The following FBXL14 variants were observed in gnomAD, a reference collection of about 807,000 sequenced individuals.
FBXL14 encodes the protein F-box and leucine rich repeat protein 14.
Under a neutral mutation model 24.5 loss-of-function variants are expected in FBXL14, and 11 were observed. The observed-to-expected ratio is 0.45, with a 90% CI of 0.28 to 0.74. The LOEUF (loss-of-function observed/expected upper bound fraction) is 0.74. Ranked by LOEUF, FBXL14 falls within the 30% of genes least tolerant of loss-of-function variation. The probability of loss-of-function intolerance (pLI) is 0.12; values close to 1 mark genes in which losing one functional copy is unlikely to be tolerated. For synonymous variants in FBXL14, 294 were observed against 240.4 expected (o/e 1.22, Z -2.06); for missense variants, 384 against 545.6 (o/e 0.70, Z 2.95).
rs557192696 is a variant in FBXL14 at position 1,567,144 on chromosome 12, C to G, written c.1195-334G>C. On this transcript the variant is annotated intron_variant, in intron 1 of 1. Transcript: ENST00000339235. The surrounding 1 kb of genome is among the most constrained non-coding windows in gnomAD (Gnocchi z 4.8). ...GCCTTTACCCGGTCACAGCCACTAT[C>G]AAGAAAAAGATATAAGACATACTAA... is the stretch of plus-strand genomic sequence containing the variant. Among the ~76,000 whole-genome samples, 50 of 151,982 alleles carry G rather than the reference C, an allele frequency of 3.3e-4. No homozygotes were observed. Among genetic ancestry groups the G allele is most frequent in the Non-Finnish European group, 6.5e-4 (44 of 67,986 alleles).
intron 1 of FBXL14, among the ~76,000 whole-genome samples, chr12:1,576,646 C>A (rs1267663262): frequency 6.6e-6 from 1 of 152,164 alleles, no homozygotes; most frequent in African/African-American, 2.4e-5. Context: ...ATCTAGATTG[C>A]AGGCTGCGGC....
chr12:1,583,909 G>T (rs572351545), intron 1 of FBXL14, among the ~76,000 whole-genome samples: 1 of 152,340 alleles, frequency 6.6e-6, no homozygotes, highest in South Asian at 2.1e-4. Context: ...AAGGTAAATT[G>T]TGTGTAAGAG....
intron 1 of FBXL14, among the ~76,000 whole-genome samples, chr12:1,573,833 T>C (rs1019254366): frequency 2.0e-5 from 3 of 152,118 alleles, no homozygotes; most frequent in African/African-American, 7.2e-5. Context: ...GGAGAAACCT[T>C]GTCTCTACTA....
intron 1 of FBXL14, among the ~76,000 whole-genome samples, chr12:1,577,428 A>T (rs34560054): frequency 0.014 from 82 of 5,802 alleles, no homozygotes; most frequent in East Asian, 0.048. Flanking sequence ...ATAAGGATTT[A>T]AAAAAAAAAA....
chr12:1,594,426 G>T lies in FBXL14; in HGVS notation c.-360C>A, dbSNP rs2094497457. On this transcript the variant is annotated 5_prime_UTR_variant, in exon 1 of 2. Transcript: ENST00000339235. ...GCGCCCGGGCCGCGCCGCTCCGCCCGCGCCGCCGCGCCCACGCCCCCTGCC... is the reference window on the plus strand; with the variant it reads ...GCGCCCGGGCCGCGCCGCTCCGCCCTCGCCGCCGCGCCCACGCCCCCTGCC... Among the ~76,000 whole-genome samples the T allele has an allele frequency of 7.0e-6, 1 of 142,442 alleles. No homozygotes were observed. Among genetic ancestry groups the T allele is most frequent in the South Asian group, 2.2e-4 (1 of 4,550 alleles). 93.4% of individuals were successfully genotyped at this position (142,442 alleles called of 152,430 possible).
rs562129273 is a variant in FBXL14 at position 1,566,635 on chromosome 12, G to A, written c.*113C>T. 242 of 732,266 alleles carry A rather than the reference G, an allele frequency of 3.3e-4. 1 individual carries two copies. Among genetic ancestry groups the A allele is most frequent in the South Asian group, 2.9e-3 (195 of 66,904 alleles). 45.4% of individuals were successfully genotyped at this position (732,266 alleles called of 1,614,324 possible). A position where few individuals can be genotyped will look rare whatever the true frequency, so the allele number is the denominator to read the frequency against. On this transcript the variant is annotated 3_prime_UTR_variant, in exon 2 of 2. Transcript: ENST00000339235. ...AAGCCCTGGGCAGCAGCCTCTGCCC[G>A]AGCAGTGACAGGCAGGGAAACCTGA...
At chr12:1,586,245 C>CT (rs1203270929) in intron 1 of FBXL14, among the ~76,000 whole-genome samples, 2 of 146,504 alleles carry the variant, frequency 1.4e-5, no homozygotes, top group South Asian at 2.2e-4. Context: ...TTTTAAGAAA[C>CT]TTTTTTTTAA....
chr12:1,593,463 G>C lies in FBXL14; in HGVS notation c.604C>G (p.Leu202Val), dbSNP rs559895406. ...TGTAGCGTGAGCTGCTCCAGGCCCA[G>C]GCAGCCCTCCGCCGCGCTGCGCGTC... ...GMTRSAAEGC[L>V]GLEQLTLQDC... The change falls in exon 1 of 2, where the codon CTG becomes GTG. Residue 202 changes from leucine (L) to valine (V), a missense_variant. Physicochemically the swap from Leu to Val is conservative, Grantham distance 32 (BLOSUM62 1). Coordinates refer to ENST00000339235, the MANE Select transcript of FBXL14 (RefSeq NM_152441.3). The surrounding 1 kb of genome is among the most constrained non-coding windows in gnomAD (Gnocchi z 7.4). 2.7e-5 allele frequency: 44 copies of C among 1,613,986 alleles called. 1 individual carries two copies. The South Asian group carries it at 4.4e-4, about 16-fold the overall frequency.
chr12:1,578,926 A>G (rs1436939725), intron 1 of FBXL14, among the ~76,000 whole-genome samples: 1 of 151,970 alleles, frequency 6.6e-6, no homozygotes, highest in Non-Finnish European at 1.5e-5. Context: ...TCACCTTTCT[A>G]GAGGTGCTCG....
rs754225588 is a variant in FBXL14, at chr12:1,593,261, G to A, written c.806C>T (p.Thr269Met). Residue 269 changes from threonine (T) to methionine (M), a missense_variant, in exon 1 of 2, where the codon ACG becomes ATG. Thr to Met is a moderately conservative substitution (Grantham distance 81). Transcript: ENST00000339235. This position sits in a 1 kb window ranked among gnomAD's most constrained non-coding sequence, Gnocchi z 7.4. ...GCCCATGGCCAGATGCATGATGCCC[G>A]TGTCACTGATGTTGTCACAGGAGCG... ...NLRSCDNISD[T>M]GIMHLAMGSL... 6 of 1,612,696 alleles carry A rather than the reference G, an allele frequency of 3.7e-6. No homozygotes were observed. Among genetic ancestry groups the A allele is most frequent in the South Asian group, 1.1e-5 (1 of 91,072 alleles).
chr12:1,583,362 G>A (rs1174047905), intron 1 of FBXL14, among the ~76,000 whole-genome samples: 1 of 149,232 alleles, frequency 6.7e-6, no homozygotes, highest in Non-Finnish European at 1.5e-5. Context: ...TGCCCTTTAA[G>A]AAGAATTAGA....
chr12:1,585,128 G>C (rs1262161938), intron 1 of FBXL14, among the ~76,000 whole-genome samples: 2 of 152,232 alleles, frequency 1.3e-5, no homozygotes, highest in Non-Finnish European at 2.9e-5. Context: ...GCCGGGCGCG[G>C]TGGCTCACGC....
chr12:1,584,967 C>T (rs1485150242), intron 1 of FBXL14, among the ~76,000 whole-genome samples: 1 of 152,198 alleles, frequency 6.6e-6, no homozygotes, highest in Non-Finnish European at 1.5e-5. Flanking sequence ...TACAATTTCT[C>T]CCTTACTTTA....
intron 1 of FBXL14, among the ~76,000 whole-genome samples, chr12:1,578,600 C>T (rs1363458065): frequency 6.6e-6 from 1 of 152,092 alleles, no homozygotes; most frequent in African/African-American, 2.4e-5. Flanking sequence ...GATCGCGCCA[C>T]TGCACTCCAG....
At chr12:1,575,394 C>T (rs1404234618) in intron 1 of FBXL14, among the ~76,000 whole-genome samples, 3 of 152,212 alleles carry the variant, frequency 2.0e-5, no homozygotes, top group Non-Finnish European at 4.4e-5. Context: ...AACTGTCCAT[C>T]TGGTTTTGAA....
chr12:1,567,676 C>T lies in FBXL14; in HGVS notation c.1195-866G>A, dbSNP rs137921848. ...AGTAGGCAGCATGCAGGAACAGGTG[C>T]GCAATGAAAGCAGGGAGATGGGAAT... On this transcript the variant is annotated intron_variant, in intron 1 of 1. Coordinates refer to ENST00000339235, the MANE Select transcript of FBXL14 (RefSeq NM_152441.3). This position sits in a 1 kb window ranked among gnomAD's most constrained non-coding sequence, Gnocchi z 4.8. 2.0e-5 allele frequency among the ~76,000 whole-genome samples: 3 copies of T among 152,116 alleles called. No individual in the cohort carries two copies. The highest frequency in any genetic ancestry group is 7.2e-5 in the African/African-American group (3 of 41,490).
chr12:1,582,177 A>T (rs2094467672), intron 1 of FBXL14, among the ~76,000 whole-genome samples: 1 of 151,974 alleles, frequency 6.6e-6, no homozygotes, highest in Non-Finnish European at 1.5e-5. Context: ...AGGAAAAGAA[A>T]GAAAAGAAAG....
In FBXL14 at chr12:1,581,862, C is replaced by T. The variant is rs143150990; in HGVS notation, c.1194+11011G>A. ...GCCCAGGGCCGGGCCTGGTGACTCA[C>T]GTGTGTAATCCCAGCACTTTGGGAG... On this transcript the variant is annotated intron_variant, in intron 1 of 1. Transcript: ENST00000339235. 7.2e-3 allele frequency among the ~76,000 whole-genome samples: 1,104 copies of T among 152,308 alleles called. 14 individuals are homozygous for T. Among genetic ancestry groups the T allele is most frequent in the African/African-American group, 0.025 (1,055 of 41,554 alleles).
rs114078120 is a variant in FBXL14 at position 1,574,542 on chromosome 12, G to A, written c.1195-7732C>T. The A allele has an allele frequency of 2.7e-3, 741 of 270,688 alleles. 113 individuals carry two copies. The highest frequency in any genetic ancestry group is 0.017 in the African/African-American group (707 of 41,518). 16.8% of individuals were successfully genotyped at this position (270,688 alleles called of 1,614,324 possible). A position where few individuals can be genotyped will look rare whatever the true frequency, so the allele number is the denominator to read the frequency against. On this transcript the variant is annotated intron_variant, in intron 1 of 1. Transcript: ENST00000339235. ...GGTGGGGGAGGCTGGCAGCAGTGGA[G>A]GCACCTCGGGAGGCAGGGACAAGGA...
Sources: allele counts gnomAD v4.1 joint callset (sites outside exome capture counted in the v4.1 genomes callset), GRCh38; gene constraint gnomAD v4.1.1; non-coding constraint Gnocchi (gnomAD v3.1); transcripts MANE v1.5; gene names NCBI Gene and HGNC (gene_info 2026-07-23, HGNC 2026-07-21).